Variants in CRADD observed in about 807,000 individuals in gnomAD.
The protein encoded by CRADD is death domain-containing protein CRADD.
A neutral mutation model predicts 15.5 loss-of-function variants in CRADD; 9 were observed. The observed-to-expected ratio is 0.58, with a 90% CI of 0.35 to 1.01. CRADD has a LOEUF of 1.01. Among genes scored for constraint, CRADD ranks in the 50% least tolerant of loss-of-function variants. The pLI is 0.02. For missense variants in CRADD, 227 were observed against 250.3 expected, an observed-to-expected ratio of 0.91 and a Z score of 0.63; for synonymous variants, 118 against 107.6, an observed-to-expected ratio of 1.10 and a Z score of -0.60.
intron 2 of CRADD, among the ~76,000 whole-genome samples, chr12:93,703,701 AAG>A (rs1449019757): frequency 6.6e-6 from 1 of 152,064 alleles, no homozygotes; most frequent in Admixed American, 6.6e-5. Flanking sequence ...GAAATAATTT[AAG>A]ACAAGAAGTT....
chr12:93,834,030 C>G (rs1008949150), intron 2 of CRADD, among the ~76,000 whole-genome samples: 5 of 152,194 alleles, frequency 3.3e-5, no homozygotes, highest in African/African-American at 1.2e-4. Flanking sequence ...ACCCTTTCTT[C>G]TATCACCTTG....
chr12:93,860,894 A>G (rs1272120233), intron 2 of CRADD, among the ~76,000 whole-genome samples: 1 of 152,058 alleles, frequency 6.6e-6, no homozygotes, highest in Non-Finnish European at 1.5e-5. Flanking sequence ...GCTTTAACCA[A>G]ATATTTTCTT....
intron 2 of CRADD, among the ~76,000 whole-genome samples, chr12:93,805,004 G>A (rs1338159866): frequency 6.6e-6 from 1 of 152,060 alleles, no homozygotes; most frequent in Non-Finnish European, 1.5e-5. Flanking sequence ...AATAGCTACT[G>A]CTTTCAAGAT....
intron 2 of CRADD, chr12:93,738,610 T>C: frequency 3.4e-6 from 2 of 592,022 alleles, no homozygotes; most frequent in South Asian, 4.2e-5. Flanking sequence ...CAGCCCTTAA[T>C]AAAAACTAAA....
intron 2 of CRADD, among the ~76,000 whole-genome samples, chr12:93,887,912 G>A (rs1958548929): frequency 6.6e-6 from 1 of 152,212 alleles, no homozygotes; most frequent in Admixed American, 6.5e-5. Flanking sequence ...GCAGGACAAG[G>A]TGCCCAGGGA....
intron 2 of CRADD, among the ~76,000 whole-genome samples, chr12:93,806,074 G>A (rs918330175): frequency 8.6e-5 from 13 of 152,046 alleles, no homozygotes; most frequent in Non-Finnish European, 1.8e-4. Context: ...TCTTTGCCTC[G>A]GGAAATTTAA....
chr12:93,820,651 A>T (rs1335747855), intron 2 of CRADD, among the ~76,000 whole-genome samples: 1 of 152,122 alleles, frequency 6.6e-6, no homozygotes, highest in African/African-American at 2.4e-5. Context: ...ATCGCTTGCC[A>T]CTTAGCTGGT....
rs983320804 is a variant in CRADD at position 93,864,014 on chromosome 12, C to T, written c.299-30036C>T. ...TTAATTAATGATACACACATGAAGT[C>T]GGGAAACACTGCAGCTATGGCCACA... On this transcript the variant is annotated intron_variant, in intron 2 of 2. Coordinates refer to the CRADD transcript ENST00000548483. Among the ~76,000 whole-genome samples, 11 of 152,164 alleles carry T rather than the reference C, an allele frequency of 7.2e-5. No individual in the cohort carries two copies. In the South Asian group the frequency reaches 1.7e-3, roughly 23 times the overall value.
chr12:93,750,337 CG>C (rs1245874189), intron 2 of CRADD, among the ~76,000 whole-genome samples: 1 of 152,156 alleles, frequency 6.6e-6, no homozygotes, highest in Non-Finnish European at 1.5e-5. Flanking sequence ...CTTTCAGAGT[CG>C]TAGTAGAGCG....
intron 2 of CRADD, among the ~76,000 whole-genome samples, chr12:93,759,244 A>G (rs1956923407): frequency 6.6e-6 from 1 of 152,152 alleles, no homozygotes; most frequent in African/African-American, 2.4e-5. Flanking sequence ...GGAGGTAGCG[A>G]TGGGTGGGGG....
chr12:93,798,055 G>T (rs1356151136), intron 2 of CRADD, among the ~76,000 whole-genome samples: 2 of 152,178 alleles, frequency 1.3e-5, no homozygotes, highest in East Asian at 1.9e-4. Flanking sequence ...TTAAGCCTCA[G>T]TTGAAGCTTC....
chr12:93,762,563 C>T (rs1051285458), intron 2 of CRADD, among the ~76,000 whole-genome samples: 2 of 152,096 alleles, frequency 1.3e-5, no homozygotes, highest in African/African-American at 4.8e-5. Context: ...TTGAGCTGGA[C>T]CTTAAATGAT....
chr12:93,844,732 T>C (rs1371967248), intron 2 of CRADD, among the ~76,000 whole-genome samples: 2 of 152,076 alleles, frequency 1.3e-5, no homozygotes, highest in Non-Finnish European at 2.9e-5. Context: ...AAAATGCAGT[T>C]AGAAACAAAA....
At chr12:93,821,925 C>G (rs1212291400) in intron 2 of CRADD, among the ~76,000 whole-genome samples, 1 of 151,968 alleles carries the variant, frequency 6.6e-6, no homozygotes, top group African/African-American at 2.4e-5. Flanking sequence ...CGAGACCAGC[C>G]TTGCCAACAT....
At chr12:93,815,859 T>C (rs951689606) in intron 2 of CRADD, 1 of 152,260 alleles carries the variant, frequency 6.6e-6, no homozygotes, top group African/African-American at 2.4e-5. Context: ...CTCTCCTTTC[T>C]TTTCCAGGAT....
chr12:93,842,058 A>G (rs1347181851), intron 2 of CRADD, among the ~76,000 whole-genome samples: 2 of 152,206 alleles, frequency 1.3e-5, no homozygotes, highest in African/African-American at 4.8e-5. Flanking sequence ...AAGTTGAGAA[A>G]GGAATTTCAT....
chr12:93,697,841 T>C (rs907859289), intron 2 of CRADD, among the ~76,000 whole-genome samples: 5 of 152,164 alleles, frequency 3.3e-5, no homozygotes, highest in Non-Finnish European at 7.3e-5. Context: ...ATGGTTAAAC[T>C]TGTGTATTTT....
At chr12:93,703,292 A>C (rs536093269) in intron 2 of CRADD, among the ~76,000 whole-genome samples, 1 of 152,136 alleles carries the variant, frequency 6.6e-6, no homozygotes, top group South Asian at 2.1e-4. Flanking sequence ...CAGTTGATGA[A>C]GTCTCAAATT....
intron 2 of CRADD, among the ~76,000 whole-genome samples, chr12:93,713,347 CA>C (rs147289695): frequency 0.011 from 1,717 of 152,194 alleles, 17 homozygotes; most frequent in Non-Finnish European, 0.016. Context: ...TATGTGTGGC[CA>C]TTGAGCGTGA....
Sources: allele counts gnomAD v4.1 joint callset (sites outside exome capture counted in the v4.1 genomes callset), GRCh38; gene constraint gnomAD v4.1.1; transcripts MANE v1.5; gene names NCBI Gene and HGNC (gene_info 2026-07-23, HGNC 2026-07-21).